The following SNAP91 variants were observed in gnomAD, a reference collection of about 807,000 sequenced individuals.
The protein encoded by SNAP91 is clathrin coat assembly protein AP180.
SNAP91 carries 27 observed loss-of-function variants against 100.3 expected under a neutral mutation model. The ratio of observed to expected loss-of-function variants is 0.27; its 90% CI spans 0.20 to 0.37. The LOEUF (loss-of-function observed/expected upper bound fraction) is 0.37. Ranked by LOEUF, SNAP91 falls within the 10% of genes least tolerant of loss-of-function variation. SNAP91 has a pLI of 1.00. For missense variants in SNAP91, 986 were observed against 1,123.7 expected (o/e 0.88, Z 1.75); for synonymous variants, 404 against 398.6 (o/e 1.01, Z -0.16).
At position 83,592,929 on chromosome 6, in the gene SNAP91, C is replaced by G; in HGVS notation, c.1846+17G>C. Reference sequence around the variant, plus strand: ...CACAAGACATCTCTGAAGTCCTGACCTTGGCAAAGCACTCACCAGATAAGA... The same window carrying G: ...CACAAGACATCTCTGAAGTCCTGACGTTGGCAAAGCACTCACCAGATAAGA... On this transcript the variant is annotated intron_variant, in intron 20 of 29. Transcript: ENST00000369694. 1 of 1,564,648 alleles carries G rather than the reference C, an allele frequency of 6.4e-7. No homozygotes were observed. The highest frequency in any genetic ancestry group is 1.4e-5 in the African/African-American group (1 of 73,730).
chr6:83,575,295 T>C (rs371213013), intron 25 of SNAP91, 174 bp from the exon 26 acceptor site: 278 of 584,844 alleles, frequency 4.8e-4, no homozygotes, highest in Non-Finnish European at 7.3e-4. Context: ...ATGCTGTAAC[T>C]AAGAAAGCTT....
chr6:83,704,090 A>C (rs928024631), intron 2 of SNAP91, among the ~76,000 whole-genome samples: 13 of 151,706 alleles, frequency 8.6e-5, no homozygotes, highest in African/African-American at 3.1e-4. Context: ...TTATTATTTG[A>C]CTTGGGCTAT....
intron 8 of SNAP91, among the ~76,000 whole-genome samples, chr6:83,627,867 T>C (rs1370623421): frequency 6.6e-6 from 1 of 151,878 alleles, no homozygotes; most frequent in Non-Finnish European, 1.5e-5. Context: ...TTAATTTCCA[T>C]AGGTTATTGG....
intron 9 of SNAP91, among the ~76,000 whole-genome samples, chr6:83,623,050 G>C (rs543321567): frequency 6.6e-6 from 1 of 152,202 alleles, no homozygotes; most frequent in South Asian, 2.1e-4. Context: ...AAAATGAAAA[G>C]ATGAGTTCAT....
At position 83,641,149 on chromosome 6, in the gene SNAP91, T is replaced by G. The variant is rs1189568019; in HGVS notation, c.712A>C (p.Lys238Gln). Reference protein sequence around the residue: ...GQCKDALEIYKRFLTRMTRVS... With the variant: ...GQCKDALEIYQRFLTRMTRVS... ...CGTGTCATTCTAGTTAGAAATCGTT[T>G]GTAAATTTCTAGAGCATCTTTACAT... Residue 238 changes from lysine to glutamine, a missense_variant, in exon 8 of 30, where the codon AAA becomes CAA. Transcript: ENST00000369694. 1 of 1,546,678 alleles carries G rather than the reference T, an allele frequency of 6.5e-7. No individual in the cohort carries two copies. The highest frequency in any genetic ancestry group is 1.2e-5 in the South Asian group (1 of 80,368).
chr6:83,658,160 C>T (rs867188328), intron 6 of SNAP91, among the ~76,000 whole-genome samples: 2 of 152,098 alleles, frequency 1.3e-5, no homozygotes, highest in African/African-American at 4.8e-5. Context: ...ACAGAAAGCT[C>T]CCATATACCA....
chr6:83,608,173 TA>T (rs1047484180), intron 12 of SNAP91, among the ~76,000 whole-genome samples: 8 of 152,112 alleles, frequency 5.3e-5, no homozygotes, highest in African/African-American at 1.9e-4. Flanking sequence ...TAATAATTGC[TA>T]AAAAAACCAA....
Position 83,582,206 on chromosome 6 carries a change from A to G in SNAP91, c.2149+16T>C. ...CCAGGACACATGAAAAGAATGTTTG[A>G]AAGTCACTGCCTCACCTGATGGATC... On this transcript the variant is annotated intron_variant, in intron 23 of 29. Transcript: ENST00000369694. 6.2e-7 allele frequency: 1 copy of G among 1,612,320 alleles called. No individual in the cohort carries two copies. The highest frequency in any genetic ancestry group is 8.5e-7 in the Non-Finnish European group (1 of 1,179,040).
intron 7 of SNAP91, among the ~76,000 whole-genome samples, chr6:83,642,835 A>G (rs1183830875): frequency 3.9e-5 from 6 of 152,156 alleles, no homozygotes; most frequent in Non-Finnish European, 8.8e-5. Context: ...ATTTCTCCAC[A>G]TCCTCTCCAG....
chr6:83,581,097 T>G (rs1356207968), intron 23 of SNAP91, among the ~76,000 whole-genome samples: 1 of 152,224 alleles, frequency 6.6e-6, no homozygotes, highest in Non-Finnish European at 1.5e-5. Context: ...ATGTGCTTTA[T>G]GGTGAAATCT....
chr6:83,618,055 G>GT (rs1488993242), intron 9 of SNAP91, among the ~76,000 whole-genome samples: 1 of 151,818 alleles, frequency 6.6e-6, no homozygotes, highest in African/African-American at 2.4e-5. Flanking sequence ...TCATATAACT[G>GT]TATCTTTTAC....
intron 26 of SNAP91, among the ~76,000 whole-genome samples, chr6:83,570,303 A>G (rs1404996567): frequency 1.3e-5 from 2 of 152,212 alleles, no homozygotes; most frequent in East Asian, 1.9e-4. Context: ...AAGAGGTGAC[A>G]TGGGTGCTGT....
At position 83,616,958 on chromosome 6, in the gene SNAP91, C is replaced by A; in HGVS notation, c.878+11G>T. ...TTTTCATCTTATTTAGAATATACAA[C>A]TAATGCGTACTTGTTTCCAGGTTTC... On this transcript the variant is annotated intron_variant, in intron 10 of 29. Coordinates refer to ENST00000369694, the MANE Select transcript of SNAP91 (RefSeq NM_001242792.2). The A allele has an allele frequency of 6.6e-7, 1 of 1,508,430 alleles. No individual in the cohort carries two copies. Among genetic ancestry groups the A allele is most frequent in the Non-Finnish European group, 9.0e-7 (1 of 1,110,766 alleles). The allele number at this position is 1,508,430 out of a possible 1,614,324, so 93.4% of individuals were successfully genotyped here. A position where few individuals can be genotyped will look rare whatever the true frequency, so the allele number is the denominator to read the frequency against.
chr6:83,665,304 T>C, intron 3 of SNAP91, 135 bp downstream of exon 3: 1 of 831,484 alleles, frequency 1.2e-6, no homozygotes, highest in South Asian at 2.1e-5. Context: ...ACTTGTATTC[T>C]AGATGATCCG....
At chr6:83,674,956 T>C (rs969892073) in intron 2 of SNAP91, among the ~76,000 whole-genome samples, 4 of 152,176 alleles carry the variant, frequency 2.6e-5, no homozygotes, top group African/African-American at 9.7e-5. Context: ...GGGTGAACTG[T>C]GTAAGTCTAG....
intron 14 of SNAP91, among the ~76,000 whole-genome samples, chr6:83,602,569 G>A (rs2095330724): frequency 1.3e-5 from 2 of 152,162 alleles, no homozygotes. Context: ...ACACATATCT[G>A]TTACAATTTA....
At chr6:83,695,638 T>C (rs527846069) in intron 2 of SNAP91, among the ~76,000 whole-genome samples, 180 of 152,236 alleles carry the variant, frequency 1.2e-3, no homozygotes, top group Non-Finnish European at 2.0e-3. Flanking sequence ...CTCCCAAATA[T>C]TTATACCCAT....
chr6:83,608,441 T>G (rs2095786346), intron 12 of SNAP91, among the ~76,000 whole-genome samples: 1 of 152,218 alleles, frequency 6.6e-6, no homozygotes, highest in African/African-American at 2.4e-5. Flanking sequence ...AATTAATATA[T>G]TACAAGATTT....
chr6:83,688,165 C>T (rs1187672257), intron 2 of SNAP91, among the ~76,000 whole-genome samples: 1 of 152,140 alleles, frequency 6.6e-6, no homozygotes, highest in Non-Finnish European at 1.5e-5. Context: ...CTAGTCTCTC[C>T]ATTTTATTCC....
Sources: allele counts gnomAD v4.1 joint callset (sites outside exome capture counted in the v4.1 genomes callset), GRCh38; gene constraint gnomAD v4.1.1; transcripts MANE v1.5; gene names NCBI Gene and HGNC (gene_info 2026-07-23, HGNC 2026-07-21).